MAN1A2: variants seen among roughly 807,000 people sequenced by gnomAD.
The protein encoded by MAN1A2 is mannosyl-oligosaccharide 1,2-alpha-mannosidase IB.
In MAN1A2, 26 loss-of-function variants were observed where a neutral mutation model predicts 75.7. The observed-to-expected ratio is 0.34, with a 90% CI of 0.25 to 0.48. MAN1A2 has a LOEUF of 0.48. Ranked by LOEUF, MAN1A2 falls within the 20% of genes least tolerant of loss-of-function variation. The pLI, the probability that MAN1A2 is intolerant of heterozygous loss-of-function variation, is 0.99. For synonymous variants in MAN1A2, 247 were observed against 264.6 expected (o/e 0.93, Z 0.65); for missense variants, 562 against 775.5 (o/e 0.72, Z 3.27).
In MAN1A2 at chr1:117,418,854, T is replaced by C. The variant is rs1267325545; in HGVS notation, c.775-1715T>C. 2.0e-5 allele frequency among the ~76,000 whole-genome samples: 3 copies of C among 152,270 alleles called. No homozygotes were observed. In the East Asian group the frequency reaches 5.8e-4, roughly 29 times the overall value. ...TACCGTGTGATTATATATAGTTAGA[T>C]GATGATGTGTTAATTAGGGAAATAA... On this transcript the variant is annotated intron_variant, in intron 4 of 12. Coordinates refer to ENST00000356554, the MANE Select transcript of MAN1A2 (RefSeq NM_006699.5).
At chr1:117,507,387 G>A (rs1651405949) in intron 12 of MAN1A2, among the ~76,000 whole-genome samples, 1 of 151,580 alleles carries the variant, frequency 6.6e-6, no homozygotes, top group African/African-American at 2.4e-5. Context: ...AGAATTCTGG[G>A]TTTTTAGCCA....
At chr1:117,458,524 T>TATATATATATATATAA (rs373076182) in intron 6 of MAN1A2, among the ~76,000 whole-genome samples, 1 of 71,704 alleles carries the variant, frequency 1.4e-5, no homozygotes, top group African/African-American at 5.3e-5. Flanking sequence ...TATATATATA[T>TATATATATATATATAA]TTTTTTTTTT....
At chr1:117,382,074 GGATAT>G (rs1417978075) in intron 1 of MAN1A2, among the ~76,000 whole-genome samples, 3 of 151,944 alleles carry the variant, frequency 2.0e-5, no homozygotes, top group African/African-American at 4.8e-5. Context: ...TGTAGATTCT[GGATAT>G]TAGCCCTTTG....
At chr1:117,455,324 T>C (rs1649545792) in intron 6 of MAN1A2, among the ~76,000 whole-genome samples, 1 of 151,936 alleles carries the variant, frequency 6.6e-6, no homozygotes, top group African/African-American at 2.4e-5. Context: ...AGGAAGCAAA[T>C]TGAGAATTGT....
intron 1 of MAN1A2, among the ~76,000 whole-genome samples, chr1:117,379,948 A>G (rs1653275906): frequency 6.6e-6 from 1 of 152,026 alleles, no homozygotes; most frequent in Non-Finnish European, 1.5e-5. Context: ...TGCTGTGAAC[A>G]TTTGTGCGCC....
intron 8 of MAN1A2, among the ~76,000 whole-genome samples, chr1:117,481,387 T>C (rs562019396): frequency 6.6e-6 from 1 of 152,040 alleles, no homozygotes; most frequent in East Asian, 1.9e-4. Flanking sequence ...CATTGCATTC[T>C]GGGCTCTGCT....
chr1:117,436,643 T>G (rs963428492), intron 5 of MAN1A2, among the ~76,000 whole-genome samples: 1 of 152,216 alleles, frequency 6.6e-6, no homozygotes, highest in Non-Finnish European at 1.5e-5. Flanking sequence ...CCACCCTGGA[T>G]AAACAGGCTT....
chr1:117,479,252 C>G (rs1650416654), intron 8 of MAN1A2, among the ~76,000 whole-genome samples: 1 of 151,892 alleles, frequency 6.6e-6, no homozygotes, highest in South Asian at 2.1e-4. Context: ...CAGCTCCAGC[C>G]ATGTCCCTGC....
chr1:117,387,145 A>G (rs1394716985), intron 1 of MAN1A2, among the ~76,000 whole-genome samples: 1 of 151,840 alleles, frequency 6.6e-6, no homozygotes, highest in Non-Finnish European at 1.5e-5. Flanking sequence ...GCTCAACACC[A>G]CTAATCATTA....
At chr1:117,482,463 G>A (rs1187072334) in intron 8 of MAN1A2, among the ~76,000 whole-genome samples, 1 of 152,030 alleles carries the variant, frequency 6.6e-6, no homozygotes, top group Non-Finnish European at 1.5e-5. Flanking sequence ...TTTCTCTGAT[G>A]ACCAGTGACG....
At chr1:117,402,886 C>G (rs1435274727) in intron 2 of MAN1A2, among the ~76,000 whole-genome samples, 1 of 152,072 alleles carries the variant, frequency 6.6e-6, no homozygotes, top group Non-Finnish European at 1.5e-5. Context: ...TATCCCTCAA[C>G]TATACTGTAG....
intron 5 of MAN1A2, among the ~76,000 whole-genome samples, chr1:117,427,251 T>C (rs1302743694): frequency 1.3e-5 from 2 of 152,136 alleles, no homozygotes; most frequent in Admixed American, 1.3e-4. Context: ...GCAGCTGTTA[T>C]AACTATGCCC....
At chr1:117,378,114 A>C (rs1018273029) in intron 1 of MAN1A2, among the ~76,000 whole-genome samples, 1 of 152,114 alleles carries the variant, frequency 6.6e-6, no homozygotes, top group Non-Finnish European at 1.5e-5. Context: ...ATAACAAAAT[A>C]AATAAATAAA....
chr1:117,489,759 T>G (rs1650823124), intron 8 of MAN1A2, among the ~76,000 whole-genome samples: 2 of 152,100 alleles, frequency 1.3e-5, no homozygotes, highest in African/African-American at 4.8e-5. Flanking sequence ...TACTTTTAAA[T>G]GATTAATCAT....
At chr1:117,474,865 C>G (rs1268922996) in intron 8 of MAN1A2, among the ~76,000 whole-genome samples, 1 of 151,914 alleles carries the variant, frequency 6.6e-6, no homozygotes, top group Non-Finnish European at 1.5e-5. Flanking sequence ...TCCCTTCCCC[C>G]TCCCCCAAAA....
At chr1:117,445,894 A>ATATATATATATATATATATATATATG (rs1557953937) in intron 6 of MAN1A2, among the ~76,000 whole-genome samples, 1 of 144,112 alleles carries the variant, frequency 6.9e-6, no homozygotes, top group African/African-American at 2.5e-5. Context: ...GTATATATAT[A>ATATATATATATATATATATATATATG]TATATGTATA....
intron 12 of MAN1A2, among the ~76,000 whole-genome samples, chr1:117,516,540 G>A (rs1033720471): frequency 2.0e-5 from 3 of 152,120 alleles, no homozygotes; most frequent in Non-Finnish European, 4.4e-5. Flanking sequence ...CAATGGATGA[G>A]TGGAACTTCT....
At chr1:117,488,280 C>T (rs1650776729) in intron 8 of MAN1A2, among the ~76,000 whole-genome samples, 2 of 150,920 alleles carry the variant, frequency 1.3e-5, no homozygotes, top group Admixed American at 6.6e-5. Flanking sequence ...GTTGCAACTT[C>T]TGCCTCCTGG....
chr1:117,428,733 CAG>C (rs1478728780), intron 5 of MAN1A2, among the ~76,000 whole-genome samples: 1 of 148,460 alleles, frequency 6.7e-6, no homozygotes, highest in African/African-American at 2.5e-5. Flanking sequence ...ACATCAATAT[CAG>C]AGTATACTTC....
Sources: gnomAD v4.1 joint callset for allele counts (sites outside exome capture counted in the v4.1 genomes callset) on GRCh38, gnomAD v4.1.1 for gene constraint, MANE v1.5 for transcripts, NCBI Gene and HGNC (gene_info 2026-07-23, HGNC 2026-07-21) for gene names.